Variants in RSRC1 observed in about 807,000 individuals in gnomAD.
RSRC1 encodes the protein arginine and serine rich coiled-coil 1.
A neutral mutation model predicts 49.1 loss-of-function variants in RSRC1; 39 were observed. That is an observed-to-expected ratio of 0.79 (90% CI 0.61 to 1.04). The LOEUF (loss-of-function observed/expected upper bound fraction) is 1.04, where lower values mean the gene tolerates loss of function less well. RSRC1 is among the 50% of genes least tolerant of loss of function. The pLI is 0.00. For missense variants in RSRC1, 388 were observed against 402.4 expected (o/e 0.96, Z 0.31); for synonymous variants, 143 against 130.8 (o/e 1.09, Z -0.63).
At chr3:158,321,798 T>C (rs1728777682) in intron 5 of RSRC1, among the ~76,000 whole-genome samples, 1 of 152,124 alleles carries the variant, frequency 6.6e-6, no homozygotes, top group South Asian at 2.1e-4. Context: ...ATAATGTACT[T>C]ATTTCTAATA....
chr3:158,375,055 A>T (rs1190945458), intron 6 of RSRC1, among the ~76,000 whole-genome samples: 1 of 151,962 alleles, frequency 6.6e-6, no homozygotes, highest in Non-Finnish European at 1.5e-5. Flanking sequence ...AGGCCTTGGA[A>T]TTTTAAAAAT....
At chr3:158,497,409 C>G (rs1176483215) in intron 7 of RSRC1, among the ~76,000 whole-genome samples, 7 of 144,298 alleles carry the variant, frequency 4.9e-5, no homozygotes, top group African/African-American at 1.8e-4. Context: ...CCCTCCCACT[C>G]TTCCCCCCAA....
Position 158,470,361 on chromosome 3 carries a change from C to CACATAT in RSRC1, c.652+9359_652+9360insCATATA, listed in dbSNP as rs756776025. 2.3e-3 allele frequency among the ~76,000 whole-genome samples: 231 copies of CACATAT among 100,318 alleles called. No homozygotes were observed. The South Asian group carries it at 0.023, about 10-fold the overall frequency. The allele number at this position is 100,318 out of a possible 152,430, so 65.8% of individuals were successfully genotyped here. On this transcript the variant is annotated intron_variant, in intron 7 of 9. Coordinates refer to ENST00000611884, the MANE Select transcript of RSRC1 (RefSeq NM_001271838.2). ...ACACACACACACACACACACACACA[C>CACATAT]ATATATATATATATATATAAAACCA...
At chr3:158,524,321 G>T (rs536131891) in intron 7 of RSRC1, among the ~76,000 whole-genome samples, 3 of 151,894 alleles carry the variant, frequency 2.0e-5, no homozygotes, top group Non-Finnish European at 4.4e-5. Flanking sequence ...TTTTCCTTGC[G>T]AATTTATGTG....
chr3:158,361,908 C>A (rs1258857348), intron 6 of RSRC1, among the ~76,000 whole-genome samples: 1 of 152,126 alleles, frequency 6.6e-6, no homozygotes, highest in African/African-American at 2.4e-5. Flanking sequence ...TGTTTCTCTC[C>A]TCATTTGAAT....
At chr3:158,515,925 C>A (rs1740498187) in intron 7 of RSRC1, among the ~76,000 whole-genome samples, 1 of 151,544 alleles carries the variant, frequency 6.6e-6, no homozygotes, top group South Asian at 2.1e-4. Flanking sequence ...TCACGTAGTT[C>A]TCGAGCCTTG....
At chr3:158,172,168 A>C (rs1328862299) in intron 3 of RSRC1, among the ~76,000 whole-genome samples, 2 of 152,274 alleles carry the variant, frequency 1.3e-5, no homozygotes, top group East Asian at 3.9e-4. Flanking sequence ...AATGGCTAAA[A>C]ATTTTCTAAA....
At chr3:158,470,847 C>A (rs529688525) in intron 7 of RSRC1, among the ~76,000 whole-genome samples, 1 of 152,156 alleles carries the variant, frequency 6.6e-6, no homozygotes, top group African/African-American at 2.4e-5. Flanking sequence ...TCTGTCATTC[C>A]CTATTAGACT....
chr3:158,439,726 A>G (rs953649311), intron 6 of RSRC1, among the ~76,000 whole-genome samples: 4 of 152,184 alleles, frequency 2.6e-5, no homozygotes, highest in African/African-American at 9.7e-5. Context: ...TGTTGAGTTG[A>G]TGGGTGCAGC....
intron 4 of RSRC1, among the ~76,000 whole-genome samples, chr3:158,269,894 G>C (rs1725407929): frequency 2.0e-5 from 3 of 152,074 alleles, no homozygotes; most frequent in Admixed American, 6.6e-5. Flanking sequence ...AGAACAACAA[G>C]AAAACATTTC....
chr3:158,229,264 G>A (rs1222022683), intron 4 of RSRC1, among the ~76,000 whole-genome samples: 1 of 115,536 alleles, frequency 8.7e-6, no homozygotes, highest in Admixed American at 9.0e-5. Flanking sequence ...ACATGTATAT[G>A]TGTATGTATG....
chr3:158,467,506 G>A (rs1737944132), intron 7 of RSRC1, among the ~76,000 whole-genome samples: 1 of 152,042 alleles, frequency 6.6e-6, no homozygotes, highest in Non-Finnish European at 1.5e-5. Flanking sequence ...TAAAATATTA[G>A]TTACTGCTTT....
Position 158,334,649 on chromosome 3 carries a change from T to TTGTGTGTGTGTGTGTGTG in RSRC1, c.532-20188_532-20171dup, listed in dbSNP as rs71840277. Among the ~76,000 whole-genome samples, 159 of 137,530 alleles carry TTGTGTGTGTGTGTGTGTG rather than the reference T, an allele frequency of 1.2e-3. 1 individual carries two copies. The highest frequency in any genetic ancestry group is 2.6e-3 in the Admixed American group (36 of 13,682). The allele number at this position is 137,530 out of a possible 152,430, so 90.2% of individuals were successfully genotyped here. ...GCACATGACACCACACCCAGCTAAT[T>TTGTGTGTGTGTGTGTGTG]TGTGTGTGTGTGTGTGTGTGTGTGT... On this transcript the variant is annotated intron_variant, in intron 5 of 9. Coordinates refer to ENST00000611884, the MANE Select transcript of RSRC1 (RefSeq NM_001271838.2).
chr3:158,128,242 G>A lies in RSRC1; in HGVS notation c.320+4251G>A, dbSNP rs776941701. Among the ~76,000 whole-genome samples, 13 of 152,124 alleles carry A rather than the reference G, an allele frequency of 8.5e-5. 1 individual carries two copies. Among genetic ancestry groups the A allele is most frequent in the Non-Finnish European group, 1.3e-4 (9 of 68,022 alleles). ...TCCATGCTTCTCTTTTCCCCAGTCC[G>A]TTACCCTAAAAGCCATGAGCTGAAT... On this transcript the variant is annotated intron_variant, in intron 3 of 9. Coordinates refer to ENST00000611884, the MANE Select transcript of RSRC1 (RefSeq NM_001271838.2).
intron 4 of RSRC1, among the ~76,000 whole-genome samples, chr3:158,241,595 A>T (rs1300759352): frequency 6.6e-6 from 1 of 152,164 alleles, no homozygotes; most frequent in Non-Finnish European, 1.5e-5. Flanking sequence ...ATAAAAAATC[A>T]GCCGGGTTAA....
chr3:158,543,654 A>G (rs570461683), intron 9 of RSRC1, 167 bp downstream of exon 9: 34 of 594,426 alleles, frequency 5.7e-5, no homozygotes, highest in South Asian at 4.8e-4. Context: ...ACTGTTATCT[A>G]TATTTGAATA....
intron 6 of RSRC1, among the ~76,000 whole-genome samples, chr3:158,390,016 C>A (rs1459974871): frequency 1.3e-5 from 2 of 152,144 alleles, no homozygotes; most frequent in Non-Finnish European, 2.9e-5. Context: ...TATCCTTAGA[C>A]AAAATTTATT....
chr3:158,281,153 C>G (rs1253433279), intron 4 of RSRC1, among the ~76,000 whole-genome samples: 1 of 152,018 alleles, frequency 6.6e-6, no homozygotes, highest in African/African-American at 2.4e-5. Context: ...ATAGGACTAA[C>G]TGATAGATTG....
intron 3 of RSRC1, among the ~76,000 whole-genome samples, chr3:158,173,595 C>T (rs530941427): frequency 2.1e-4 from 32 of 151,998 alleles, no homozygotes; most frequent in Admixed American, 1.8e-3. Context: ...ACTAGCAATT[C>T]CACTCTTAGC....
Sources: allele counts gnomAD v4.1 joint callset (sites outside exome capture counted in the v4.1 genomes callset), GRCh38; gene constraint gnomAD v4.1.1; transcripts MANE v1.5; gene names NCBI Gene and HGNC (gene_info 2026-07-23, HGNC 2026-07-21).